The following OR52H1 variants were observed in gnomAD, a reference collection of about 807,000 sequenced individuals.
The protein encoded by OR52H1 is olfactory receptor family 52 subfamily H member 1, also known as olfactory receptor 52H1.
For missense variants in OR52H1, 383 were observed against 396.4 expected, an observed-to-expected ratio of 0.97 and a Z score of 0.29; for synonymous variants, 148 against 138.6, an observed-to-expected ratio of 1.07 and a Z score of -0.48.
At chr11:5,546,138 C>T (rs1487727180) in intron 1 of OR52H1, among the ~76,000 whole-genome samples, 1 of 146,858 alleles carries the variant, frequency 6.8e-6, no homozygotes, top group South Asian at 2.1e-4. Flanking sequence ...CAGATTTAAA[C>T]TAAAAAATTC....
intron 1 of OR52H1, among the ~76,000 whole-genome samples, chr11:5,547,045 T>C (rs1846865074): frequency 6.6e-6 from 1 of 152,112 alleles, no homozygotes; most frequent in East Asian, 1.9e-4. Context: ...AACCTCCGCC[T>C]CCCCGGTTCA....
chr11:5,545,191 G>A lies in OR52H1; in HGVS notation c.315C>T (p.Phe105=), dbSNP rs1179073253. The part of the protein sequence containing the change: ...TFPGCLTQMF[F]LHYNFVLDSA... ...AATCCAGGACAAAGTTATAGTGAAGGAAGAACATTTGTGTAAGGCATCCTG... is the reference window on the plus strand; with the variant it reads ...AATCCAGGACAAAGTTATAGTGAAGAAAGAACATTTGTGTAAGGCATCCTG... Residue 105 remains phenylalanine, a synonymous_variant, in exon 2 of 2, where the codon TTC becomes TTT. Coordinates refer to ENST00000322653, the MANE Select transcript of OR52H1 (RefSeq NM_001005289.5). The A allele has an allele frequency of 1.7e-5, 28 of 1,614,070 alleles. No individual in the cohort carries two copies. Among genetic ancestry groups the A allele is most frequent in the Non-Finnish European group, 2.2e-5 (26 of 1,180,042 alleles).
intron 1 of OR52H1, among the ~76,000 whole-genome samples, chr11:5,547,031 C>T (rs1846864697): frequency 1.3e-5 from 2 of 152,216 alleles, no homozygotes; most frequent in African/African-American, 4.8e-5. Flanking sequence ...TCTCGGCTCA[C>T]TGCAACCTCC....
rs763567867 is a variant in OR52H1 at position 5,545,149 on chromosome 11, G to T, written c.357C>A (p.Ala119=). ...TAGCTACATAGTGATCAAATGCCAT[G>T]GCCATCAGAATGGCTGAATCCAGGA... The part of the protein sequence containing the change: ...NFVLDSAILM[A]MAFDHYVAIC... The change falls in exon 2 of 2, where the codon GCC becomes GCA. Residue 119 remains alanine, a synonymous_variant. Transcript: ENST00000322653. 5.6e-6 allele frequency: 9 copies of T among 1,614,118 alleles called. No homozygotes were observed. The highest frequency in any genetic ancestry group is 6.8e-6 in the Non-Finnish European group (8 of 1,180,004).
chr11:5,544,694 G>A lies in OR52H1; in HGVS notation c.812C>T (p.Ser271Phe), dbSNP rs773983859. ...ILAHRFGHNV[S>F]RTFHIMFANL... ...GGCAAACATGATGTGGAAGGTGCGAGAGACATTGTGTCCAAAGCGATGGGC... is the reference window on the plus strand; with the variant it reads ...GGCAAACATGATGTGGAAGGTGCGAAAGACATTGTGTCCAAAGCGATGGGC... The change falls in exon 2 of 2, where the codon TCT (serine) becomes TTT (phenylalanine). Residue 271 changes from serine (S) to phenylalanine (F), a missense_variant. Coordinates refer to ENST00000322653, the MANE Select transcript of OR52H1 (RefSeq NM_001005289.5). 16 of 1,614,052 alleles carry A rather than the reference G, an allele frequency of 9.9e-6. No homozygotes were observed. The East Asian group carries it at 2.4e-4, about 25-fold the overall frequency.
At chr11:5,547,013 T>C (rs951961135) in intron 1 of OR52H1, among the ~76,000 whole-genome samples, 21 of 152,348 alleles carry the variant, frequency 1.4e-4, no homozygotes, top group African/African-American at 3.8e-4. Context: ...TGGAGTGCTG[T>C]GGCACGATCT....
At position 5,545,131 on chromosome 11, in the gene OR52H1, A is replaced by C. The variant is rs1382157153; in HGVS notation, c.375T>G (p.Tyr125Ter). 1 of 1,614,092 alleles carries C rather than the reference A, an allele frequency of 6.2e-7. No individual in the cohort carries two copies. The highest frequency in any genetic ancestry group is 1.3e-5 in the African/African-American group (1 of 75,042). The change falls in exon 2 of 2, where the codon TAT (tyrosine) becomes TAG (stop). Residue 125 changes from tyrosine (Y) to a stop codon, truncating the protein, a stop_gained. Transcript: ENST00000322653. LOFTEE classifies it low-confidence loss of function (END_TRUNC). ...ATCTCAAGGGAGAACAGATAGCTACATAGTGATCAAATGCCATGGCCATCA... is the reference window on the plus strand; with the variant it reads ...ATCTCAAGGGAGAACAGATAGCTACCTAGTGATCAAATGCCATGGCCATCA... ...AILMAMAFDH[Y>*]VAICSPLRYT...
At chr11:5,547,059 G>A (rs899324296) in intron 1 of OR52H1, among the ~76,000 whole-genome samples, 1 of 152,158 alleles carries the variant, frequency 6.6e-6, no homozygotes, top group African/African-American at 2.4e-5. Flanking sequence ...CGGTTCAAGC[G>A]ATTCTCCTGC....
In OR52H1 at chr11:5,545,846, C is replaced by A. The variant is rs955569929; in HGVS notation, c.-30-311G>T. On this transcript the variant is annotated intron_variant, in intron 1 of 1. Coordinates refer to ENST00000322653, the MANE Select transcript of OR52H1 (RefSeq NM_001005289.5). Reference sequence around the variant, plus strand: ...GACTGGTTACACTCTTCCTTATACACTGTTCTCCCATACAAGTTAACAAAG... The same window carrying A: ...GACTGGTTACACTCTTCCTTATACAATGTTCTCCCATACAAGTTAACAAAG... Among the ~76,000 whole-genome samples the A allele has an allele frequency of 3.3e-5, 5 of 152,310 alleles. No individual in the cohort carries two copies. The East Asian group carries it at 9.6e-4, about 29-fold the overall frequency.
rs1312404712 is a variant in OR52H1, at chr11:5,544,992, T to C, written c.514A>G (p.Arg172Gly). The change falls in exon 2 of 2, where the codon AGG (arginine) becomes GGG (glycine). Residue 172 changes from arginine to glycine, a missense_variant. Arg to Gly is a moderately radical substitution (Grantham distance 125). Coordinates refer to ENST00000322653, the MANE Select transcript of OR52H1 (RefSeq NM_001005289.5). ...TATGTGTGGGGTATGATGCGTGTCC[T>C]GCAGAAAGGCAGGCATGTCAGCAAG... Reference protein sequence around the residue: ...VFLLTCLPFCRTRIIPHTYCE... With the variant: ...VFLLTCLPFCGTRIIPHTYCE... 1 of 1,614,200 alleles carries C rather than the reference T, an allele frequency of 6.2e-7. No homozygotes were observed. The highest frequency in any genetic ancestry group is 8.5e-7 in the Non-Finnish European group (1 of 1,180,040).
rs1554903261 is a variant in OR52H1, at chr11:5,545,124, T to C, written c.382A>G (p.Ile128Val). The change falls in exon 2 of 2, where the codon ATC becomes GTC. Residue 128 changes from isoleucine (I) to valine (V), a missense_variant. Transcript: ENST00000322653. Reference protein sequence around the residue: ...MAMAFDHYVAICSPLRYTTIL... With the variant: ...MAMAFDHYVAVCSPLRYTTIL... ...GTGGTATATCTCAAGGGAGAACAGATAGCTACATAGTGATCAAATGCCATG... is the reference window on the plus strand; with the variant it reads ...GTGGTATATCTCAAGGGAGAACAGACAGCTACATAGTGATCAAATGCCATG... The C allele has an allele frequency of 1.2e-6, 2 of 1,614,124 alleles. No individual in the cohort carries two copies. Among genetic ancestry groups the C allele is most frequent in the South Asian group, 1.1e-5 (1 of 91,072 alleles).
In OR52H1 at chr11:5,544,689, T is replaced by C; in HGVS notation, c.817A>G (p.Thr273Ala). 6.2e-7 allele frequency: 1 copy of C among 1,614,036 alleles called. No individual in the cohort carries two copies. Among genetic ancestry groups the C allele is most frequent in the Non-Finnish European group, 8.5e-7 (1 of 1,180,012 alleles). Residue 273 changes from threonine (T) to alanine (A), a missense_variant, in exon 2 of 2, where the codon ACC becomes GCC. Coordinates refer to ENST00000322653, the MANE Select transcript of OR52H1 (RefSeq NM_001005289.5). ...AHRFGHNVSR[T>A]FHIMFANLYI... The stretch of plus-strand genomic sequence containing the variant: ...AGATTGGCAAACATGATGTGGAAGG[T>C]GCGAGAGACATTGTGTCCAAAGCGA...
Position 5,545,181 on chromosome 11 carries a change from T to G in OR52H1, c.325A>C (p.Asn109His). The G allele has an allele frequency of 6.2e-7, 1 of 1,614,002 alleles. No homozygotes were observed. The highest frequency in any genetic ancestry group is 8.5e-7 in the Non-Finnish European group (1 of 1,180,006). ...AGAATGGCTGAATCCAGGACAAAGT[T>G]ATAGTGAAGGAAGAACATTTGTGTA... ...CLTQMFFLHY[N>H]FVLDSAILMA... Residue 109 changes from asparagine (N) to histidine (H), a missense_variant, in exon 2 of 2, where the codon AAC (asparagine) becomes CAC (histidine). Physicochemically the swap from Asn to His is moderately conservative, Grantham distance 68. Transcript: ENST00000322653.
intron 1 of OR52H1, among the ~76,000 whole-genome samples, chr11:5,546,797 A>T (rs1179144982): frequency 8.3e-6 from 1 of 119,846 alleles, no homozygotes; most frequent in Admixed American, 8.6e-5. Flanking sequence ...CTCTCATTTA[A>T]CAATCAGACA....
chr11:5,545,632 T>C, intron 1 of OR52H1, 97 bp from the exon 2 acceptor site: 1 of 1,158,470 alleles, frequency 8.6e-7, no homozygotes, highest in South Asian at 1.5e-5. Context: ...AGTGACCATA[T>C]AATTTGTCAT....
At chr11:5,545,638 G>C in intron 1 of OR52H1, 103 bp from the exon 2 acceptor site, 3 of 1,153,590 alleles carry the variant, frequency 2.6e-6, no homozygotes, top group South Asian at 1.6e-5. Flanking sequence ...CATATAATTT[G>C]TCATCCAAAA....
Position 5,545,056 on chromosome 11 carries a change from G to A in OR52H1, c.450C>T (p.Ile150=). ...PKTIIKSAMG[I]SFRSFCIILP... is the part of the protein sequence containing the mutation. ...GGATGATGCAGAAGCTTCGAAAGGA[G>A]ATGCCCATAGCACTCTTGATGATGG... Residue 150 remains isoleucine (I), a synonymous_variant, in exon 2 of 2, where the codon ATC becomes ATT. Coordinates refer to ENST00000322653, the MANE Select transcript of OR52H1 (RefSeq NM_001005289.5). 6.2e-7 allele frequency: 1 copy of A among 1,614,204 alleles called. No individual in the cohort carries two copies. The highest frequency in any genetic ancestry group is 1.6e-4 in the Middle Eastern group (1 of 6,062).
intron 1 of OR52H1, among the ~76,000 whole-genome samples, chr11:5,547,219 G>A (rs1438110532): frequency 6.6e-6 from 1 of 152,136 alleles, no homozygotes; most frequent in Non-Finnish European, 1.5e-5. Context: ...GCCTCCCAAA[G>A]TGCTGGGATT....
At chr11:5,546,278 G>A (rs1164960630) in intron 1 of OR52H1, among the ~76,000 whole-genome samples, 1 of 151,878 alleles carries the variant, frequency 6.6e-6, no homozygotes, top group Non-Finnish European at 1.5e-5. Context: ...TATCAGTCAA[G>A]GTTTCTGTCC....
Sources: gnomAD v4.1 joint callset for allele counts (sites outside exome capture counted in the v4.1 genomes callset) on GRCh38, gnomAD v4.1.1 for gene constraint, MANE v1.5 for transcripts, NCBI Gene and HGNC (gene_info 2026-07-23, HGNC 2026-07-21) for gene names.